The following ABI1 variants were observed in gnomAD, a reference collection of about 807,000 sequenced individuals.
ABI1 encodes abl interactor 1.
In ABI1, 14 loss-of-function variants were observed where a neutral mutation model predicts 54.6. The observed-to-expected ratio is 0.26, with a 90% CI of 0.17 to 0.40. The LOEUF (loss-of-function observed/expected upper bound fraction) is 0.40, where lower values mean the gene tolerates loss of function less well. Ranked by LOEUF, ABI1 falls within the 10% of genes least tolerant of loss-of-function variation. The pLI, the probability that ABI1 is intolerant of heterozygous loss-of-function variation, is 1.00. For missense variants in ABI1, 443 were observed against 598.3 expected (o/e 0.74, Z 2.71); for synonymous variants, 194 against 209.3 (o/e 0.93, Z 0.63).
At chr10:26,766,829 GAAT>G (rs1840015774) in intron 6 of ABI1, among the ~76,000 whole-genome samples, 1 of 152,080 alleles carries the variant, frequency 6.6e-6, no homozygotes, top group African/African-American at 2.4e-5. Flanking sequence ...AAATCAAGAG[GAAT>G]AATATTTTGT....
Position 26,860,890 on chromosome 10 carries a change from TCG to T in ABI1, c.-29_-28del, listed in dbSNP as rs778915115. 2 of 1,604,412 alleles carry T rather than the reference TCG, an allele frequency of 1.2e-6. No homozygotes were observed. The highest frequency in any genetic ancestry group is 2.2e-5 in the South Asian group (2 of 90,850). On this transcript the variant is annotated 5_prime_UTR_variant, in exon 1 of 11. Coordinates refer to ENST00000376140, the MANE Select transcript of ABI1 (RefSeq NM_001012750.3). This position sits in a 1 kb window ranked among gnomAD's most constrained non-coding sequence, Gnocchi z 4.1. The stretch of plus-strand genomic sequence containing the variant: ...TTCCACCCCTCTGCATCGCTTCCTC[TCG>T]CGTTAAAGAGACAGAGGCAGCAAGG...
chr10:26,794,204 C>T (rs1202835091), intron 2 of ABI1, among the ~76,000 whole-genome samples: 1 of 151,884 alleles, frequency 6.6e-6, no homozygotes, highest in Non-Finnish European at 1.5e-5. Context: ...GATCGTGCCA[C>T]TGTACTCCAG....
chr10:26,849,333 A>T (rs78863866), intron 1 of ABI1, among the ~76,000 whole-genome samples: 2,358 of 152,330 alleles, frequency 0.015, 52 homozygotes, highest in African/African-American at 0.054. Context: ...AAAAAGGTTT[A>T]AAAAAGCCGG....
At chr10:26,849,577 G>A (rs998288399) in intron 1 of ABI1, among the ~76,000 whole-genome samples, 11 of 152,180 alleles carry the variant, frequency 7.2e-5, no homozygotes, top group African/African-American at 2.7e-4. Flanking sequence ...AAAAACAACT[G>A]ATAGGTAAAC....
intron 1 of ABI1, among the ~76,000 whole-genome samples, chr10:26,832,139 A>C (rs2048715863): frequency 6.6e-6 from 1 of 152,342 alleles, no homozygotes; most frequent in Non-Finnish European, 1.5e-5. Context: ...ATATGCCATG[A>C]CCGCTGACTG....
intron 2 of ABI1, among the ~76,000 whole-genome samples, chr10:26,812,278 TG>T (rs537436171): frequency 4.5e-4 from 69 of 152,304 alleles, no homozygotes; most frequent in African/African-American, 1.6e-3. Context: ...CAGCATAGCA[TG>T]GTTCATCTTA....
intron 2 of ABI1, among the ~76,000 whole-genome samples, chr10:26,791,774 C>T (rs192524990): frequency 3.9e-5 from 6 of 152,158 alleles, no homozygotes; most frequent in African/African-American, 1.2e-4. Context: ...TTGAGTAGAG[C>T]AACTATTTTG....
At chr10:26,773,215 C>CTTTTTTTTTTTTCTTTTTTTTTTT (rs1840938016) in intron 3 of ABI1, among the ~76,000 whole-genome samples, 1 of 92,528 alleles carries the variant, frequency 1.1e-5, no homozygotes, top group Non-Finnish European at 2.1e-5. Context: ...AATGCTAATT[C>CTTTTTTTTTTTTCTTTTTTTTTTT]TTTTTTTTTT....
chr10:26,844,364 G>A (rs770309272), intron 1 of ABI1, among the ~76,000 whole-genome samples: 17 of 151,992 alleles, frequency 1.1e-4, no homozygotes, highest in Non-Finnish European at 2.4e-4. Context: ...TTCAACCCAC[G>A]TCATATGTAT....
At chr10:26,827,182 G>A (rs750284484) in intron 1 of ABI1, among the ~76,000 whole-genome samples, 8 of 151,708 alleles carry the variant, frequency 5.3e-5, no homozygotes, top group Non-Finnish European at 7.4e-5. Context: ...CAAAGTGCAA[G>A]GATTACAGGC....
At chr10:26,780,433 G>A (rs985498244) in intron 2 of ABI1, among the ~76,000 whole-genome samples, 3 of 152,088 alleles carry the variant, frequency 2.0e-5, no homozygotes, top group African/African-American at 7.2e-5. Context: ...GAGGTCTCAC[G>A]ATGTTGCCCA....
intron 5 of ABI1, among the ~76,000 whole-genome samples, chr10:26,769,817 C>G (rs1840438345): frequency 6.6e-6 from 1 of 152,152 alleles, no homozygotes; most frequent in African/African-American, 2.4e-5. Flanking sequence ...CCCTAAGTCT[C>G]AGACACCAAT....
chr10:26,784,281 G>A (rs1198297551), intron 2 of ABI1, among the ~76,000 whole-genome samples: 4 of 152,272 alleles, frequency 2.6e-5, no homozygotes, highest in Admixed American at 1.3e-4. Context: ...AATCTCCCAC[G>A]TGAAACACCT....
intron 7 of ABI1, among the ~76,000 whole-genome samples, chr10:26,762,329 A>G (rs1200594755): frequency 6.6e-6 from 1 of 152,074 alleles, no homozygotes; most frequent in Non-Finnish European, 1.5e-5. Context: ...TATAATATAG[A>G]CTGCTGTATT....
At position 26,747,150 on chromosome 10, in the gene ABI1, TAA is replaced by T. The variant is rs1434093599; in HGVS notation, c.*1418_*1419del. On this transcript the variant is annotated 3_prime_UTR_variant, in exon 11 of 11. Transcript: ENST00000376140. ...AGTCTTACCATTCACTATGCTGTTA[TAA>T]GTCTGTAGCATCCAGTACATAACTG... is the stretch of plus-strand genomic sequence containing the variant. 4.4e-6 allele frequency: 1 copy of T among 227,152 alleles called. No homozygotes were observed. The highest frequency in any genetic ancestry group is 2.2e-5 in the African/African-American group (1 of 44,852). 14.1% of individuals were successfully genotyped at this position (227,152 alleles called of 1,614,324 possible). A position where few individuals can be genotyped will look rare whatever the true frequency, so the allele number is the denominator to read the frequency against.
At position 26,750,193 on chromosome 10, in the gene ABI1, ATTAC is replaced by A. The variant is rs1171589301; in HGVS notation, c.1270+1401_1270+1404del. Among the ~76,000 whole-genome samples the A allele has an allele frequency of 2.0e-5, 3 of 152,196 alleles. No homozygotes were observed. The East Asian group carries it at 5.8e-4, about 29-fold the overall frequency. ...TCAAGACTTTCTTAACAATATGTAA[ATTAC>A]TTACTGTTTAAAAATATAAGGCCAC... On this transcript the variant is annotated intron_variant, in intron 10 of 10. Coordinates refer to ENST00000376140, the MANE Select transcript of ABI1 (RefSeq NM_001012750.3).
intron 1 of ABI1, among the ~76,000 whole-genome samples, chr10:26,835,081 T>A (rs2048955807): frequency 9.3e-6 from 1 of 107,878 alleles, no homozygotes; most frequent in African/African-American, 4.0e-5. Flanking sequence ...TGAGCAAGAT[T>A]CTACCTCAAA....
chr10:26,772,187 G>C (rs1319815830), intron 3 of ABI1, among the ~76,000 whole-genome samples: 19 of 151,792 alleles, frequency 1.3e-4, no homozygotes, highest in Admixed American at 1.2e-3. Flanking sequence ...CTTCTATCTG[G>C]AAACAACATC....
intron 2 of ABI1, among the ~76,000 whole-genome samples, chr10:26,822,398 C>T (rs1359321741): frequency 7.1e-6 from 1 of 141,510 alleles, no homozygotes; most frequent in Non-Finnish European, 1.5e-5. Context: ...CATATGACCA[C>T]ACAAAGATTT....
Sources: allele counts gnomAD v4.1 joint callset (sites outside exome capture counted in the v4.1 genomes callset), GRCh38; gene constraint gnomAD v4.1.1; non-coding constraint Gnocchi (gnomAD v3.1); transcripts MANE v1.5; gene names NCBI Gene and HGNC (gene_info 2026-07-23, HGNC 2026-07-21).